SMYD3: variants seen among roughly 807,000 people sequenced by gnomAD.
SMYD3 encodes histone-lysine N-methyltransferase SMYD3.
In SMYD3, 36 loss-of-function variants were observed where a neutral mutation model predicts 57.7. The observed-to-expected ratio is 0.62, with a 90% CI of 0.48 to 0.82. The LOEUF is 0.82. Ranked by LOEUF, SMYD3 falls within the 40% of genes least tolerant of loss-of-function variation. The pLI is 0.00. For missense variants in SMYD3, 515 were observed against 538.8 expected (o/e 0.96, Z 0.44); for synonymous variants, 211 against 195.0 (o/e 1.08, Z -0.68).
At chr1:246,494,885 T>C (rs1044728015) in intron 1 of SMYD3, among the ~76,000 whole-genome samples, 5 of 152,220 alleles carry the variant, frequency 3.3e-5, no homozygotes, top group Admixed American at 6.5e-5. Flanking sequence ...AAACTGAACA[T>C]GCAGAATTAT....
At chr1:246,252,821 A>C (rs2063818057) in intron 5 of SMYD3, among the ~76,000 whole-genome samples, 1 of 152,236 alleles carries the variant, frequency 6.6e-6, no homozygotes, top group African/African-American at 2.4e-5. Context: ...TTAAGTATTC[A>C]CTAACAGAAC....
chr1:246,012,712 A>G (rs935004046), intron 5 of SMYD3, among the ~76,000 whole-genome samples: 1 of 152,198 alleles, frequency 6.6e-6, no homozygotes, highest in Admixed American at 6.5e-5. Context: ...TTGAGGAAAC[A>G]GCAAAGCAGG....
chr1:246,414,283 G>A (rs2067022004), intron 1 of SMYD3, among the ~76,000 whole-genome samples: 1 of 152,064 alleles, frequency 6.6e-6, no homozygotes, highest in South Asian at 2.1e-4. Context: ...ACATATTAGA[G>A]GAAATCAAAA....
rs9787349 is a variant in SMYD3, at chr1:245,822,220, C to A, written c.1076+36276G>T. Reference sequence around the variant, plus strand: ...CACCATGGAATACTATGCAGCCATACAAAATGATGAGTTCATGTCCTTTGT... The same window carrying A: ...CACCATGGAATACTATGCAGCCATAAAAAATGATGAGTTCATGTCCTTTGT... On this transcript the variant is annotated intron_variant, in intron 10 of 11. Transcript: ENST00000490107. Among the ~76,000 whole-genome samples the A allele has an allele frequency of 5.7e-4, 86 of 151,946 alleles. 2 individuals carry two copies. In the East Asian group the frequency reaches 0.011, roughly 20 times the overall value.
chr1:245,826,886 G>C (rs2049531723), intron 10 of SMYD3, among the ~76,000 whole-genome samples: 2 of 152,150 alleles, frequency 1.3e-5, no homozygotes, highest in East Asian at 3.9e-4. Context: ...AGAGCATGGA[G>C]CAAACTGCCC....
At chr1:246,091,008 C>G (rs1217556864) in intron 5 of SMYD3, among the ~76,000 whole-genome samples, 1 of 152,166 alleles carries the variant, frequency 6.6e-6, no homozygotes. Flanking sequence ...GAACGGACTC[C>G]AACTCTGCCC....
intron 5 of SMYD3, among the ~76,000 whole-genome samples, chr1:246,172,744 C>A (rs2062363956): frequency 6.8e-6 from 1 of 146,430 alleles, no homozygotes; most frequent in Non-Finnish European, 1.5e-5. Flanking sequence ...TACGCTTAGG[C>A]TACACAGGCC....
At chr1:246,419,811 C>A (rs1490270745) in intron 1 of SMYD3, among the ~76,000 whole-genome samples, 1 of 152,200 alleles carries the variant, frequency 6.6e-6, no homozygotes, top group Non-Finnish European at 1.5e-5. Context: ...TAGAAACCAT[C>A]CGCCCCCCTC....
At chr1:246,114,611 C>T (rs146233753) in intron 5 of SMYD3, among the ~76,000 whole-genome samples, 54 of 152,270 alleles carry the variant, frequency 3.5e-4, no homozygotes, top group African/African-American at 1.3e-3. Flanking sequence ...CATTGCTTCC[C>T]GCTAATAAAC....
intron 10 of SMYD3, among the ~76,000 whole-genome samples, chr1:245,822,932 T>C (rs80056045): frequency 0.072 from 10,920 of 152,282 alleles, 463 homozygotes; most frequent in East Asian, 0.17. Context: ...TTGATCATGG[T>C]AAGAAGACAT....
chr1:245,932,875 G>A (rs1043245254), intron 5 of SMYD3, among the ~76,000 whole-genome samples: 1 of 152,160 alleles, frequency 6.6e-6, no homozygotes, highest in African/African-American at 2.4e-5. Context: ...ATCTATATTA[G>A]TCTGAGTGTT....
intron 5 of SMYD3, among the ~76,000 whole-genome samples, chr1:246,087,262 G>A (rs1485238762): frequency 6.6e-6 from 1 of 152,138 alleles, no homozygotes. Flanking sequence ...TTATTATAGA[G>A]GGAATAAGCA....
intron 5 of SMYD3, among the ~76,000 whole-genome samples, chr1:246,083,336 C>T (rs1296322632): frequency 6.6e-6 from 1 of 152,206 alleles, no homozygotes; most frequent in African/African-American, 2.4e-5. Context: ...TGTATATGCA[C>T]ATCAAAAGCA....
At chr1:246,322,723 T>TA (rs553784137) in intron 5 of SMYD3, among the ~76,000 whole-genome samples, 14 of 151,952 alleles carry the variant, frequency 9.2e-5, no homozygotes, top group South Asian at 8.3e-4. Context: ...CTAAGTTTTT[T>TA]AAAAAAAACA....
chr1:245,986,609 T>C (rs2058709594), intron 5 of SMYD3, among the ~76,000 whole-genome samples: 1 of 152,204 alleles, frequency 6.6e-6, no homozygotes, highest in Non-Finnish European at 1.5e-5. Flanking sequence ...TTGGGCATTT[T>C]CATGGTCTTC....
chr1:245,826,128 CACT>C (rs1342515604), intron 10 of SMYD3, among the ~76,000 whole-genome samples: 2 of 151,144 alleles, frequency 1.3e-5, no homozygotes, highest in Non-Finnish European at 2.9e-5. Context: ...AGTATATTCA[CACT>C]GTTGTATAAC....
intron 5 of SMYD3, among the ~76,000 whole-genome samples, chr1:246,022,412 G>A (rs550372046): frequency 6.6e-6 from 1 of 152,268 alleles, no homozygotes; most frequent in South Asian, 2.1e-4. Context: ...AAGAACGTGG[G>A]TTCTGGAGCC....
intron 5 of SMYD3, among the ~76,000 whole-genome samples, chr1:246,277,989 A>G (rs1201271944): frequency 6.6e-6 from 1 of 152,178 alleles, no homozygotes; most frequent in Non-Finnish European, 1.5e-5. Flanking sequence ...GTTAATACCC[A>G]AAGTATATAC....
chr1:246,472,030 A>G (rs945757314), intron 1 of SMYD3, among the ~76,000 whole-genome samples: 7 of 152,156 alleles, frequency 4.6e-5, no homozygotes, highest in African/African-American at 1.7e-4. Context: ...CAACCAAAAT[A>G]TTTGATTTTA....
Sources: allele counts gnomAD v4.1 joint callset (sites outside exome capture counted in the v4.1 genomes callset), GRCh38; gene constraint gnomAD v4.1.1; transcripts MANE v1.5; gene names NCBI Gene and HGNC (gene_info 2026-07-23, HGNC 2026-07-21).